Variants in SMCHD1 observed in about 807,000 individuals in gnomAD.
The protein encoded by SMCHD1 is structural maintenance of chromosomes flexible hinge domain-containing protein 1.
In SMCHD1, 78 loss-of-function variants were observed where a neutral mutation model predicts 254.7. That is an observed-to-expected ratio of 0.31 (90% confidence interval 0.26 to 0.37). The LOEUF is 0.37. Among genes scored for constraint, SMCHD1 ranks in the 10% least tolerant of loss-of-function variants. The pLI is 1.00. For synonymous variants in SMCHD1, 766 were observed against 794.9 expected, an observed-to-expected ratio of 0.96 and a Z score of 0.61; for missense variants, 1,840 against 2,408.1, an observed-to-expected ratio of 0.76 and a Z score of 4.94.
intron 42 of SMCHD1, among the ~76,000 whole-genome samples, chr18:2,776,568 C>T (rs1336149871): frequency 6.6e-6 from 1 of 151,838 alleles, no homozygotes; most frequent in Non-Finnish European, 1.5e-5. Context: ...TACCTAAAGA[C>T]AGGAAGGAAA....
At chr18:2,731,777 C>T (rs2075144686) in intron 24 of SMCHD1, among the ~76,000 whole-genome samples, 1 of 152,128 alleles carries the variant, frequency 6.6e-6, no homozygotes, top group Non-Finnish European at 1.5e-5. Flanking sequence ...TTTGGAAGAC[C>T]GAGGCCAGTG....
At chr18:2,676,411 G>A (rs2073749509) in intron 5 of SMCHD1, among the ~76,000 whole-genome samples, 1 of 151,942 alleles carries the variant, frequency 6.6e-6, no homozygotes, top group African/African-American at 2.4e-5. Flanking sequence ...TTGAGTTGAG[G>A]CTTGAATGAT....
chr18:2,708,904 AT>A (rs372680214), intron 17 of SMCHD1, among the ~76,000 whole-genome samples: 4,522 of 58,662 alleles, frequency 0.077, 860 homozygotes, highest in Middle Eastern at 0.11. Flanking sequence ...ATATATATAT[AT>A]ATAACATATT....
At chr18:2,724,719 T>C (rs2143422630) in intron 20 of SMCHD1, among the ~76,000 whole-genome samples, 180 bp from the exon 21 acceptor site, 1 of 152,288 alleles carries the variant, frequency 6.6e-6, no homozygotes, top group Middle Eastern at 3.4e-3. Context: ...TTAATACTTG[T>C]TGGATCAATT....
intron 28 of SMCHD1, among the ~76,000 whole-genome samples, chr18:2,742,755 T>C (rs1041118253): frequency 2.6e-5 from 4 of 152,162 alleles, no homozygotes; most frequent in African/African-American, 9.7e-5. Context: ...TGGCTCACTG[T>C]AGCTTCAACC....
At chr18:2,675,873 A>G (rs2073736475) in intron 5 of SMCHD1, among the ~76,000 whole-genome samples, 1 of 152,162 alleles carries the variant, frequency 6.6e-6, no homozygotes, top group African/African-American at 2.4e-5. Flanking sequence ...ACTTAACCAA[A>G]TATTAGGGAA....
At chr18:2,723,936 C>A (rs2074976887) in intron 20 of SMCHD1, among the ~76,000 whole-genome samples, 1 of 151,988 alleles carries the variant, frequency 6.6e-6, no homozygotes, top group Admixed American at 6.6e-5. Flanking sequence ...TTGGAGACTG[C>A]TATCATTTGC....
intron 34 of SMCHD1, among the ~76,000 whole-genome samples, chr18:2,757,377 A>AT (rs201457405): frequency 0.089 from 13,167 of 148,510 alleles, 724 homozygotes; most frequent in Middle Eastern, 0.2. Context: ...CACCCAGCTA[A>AT]TTTTTTTTTT....
At chr18:2,720,011 A>G (rs2074891088) in intron 19 of SMCHD1, among the ~76,000 whole-genome samples, 1 of 151,776 alleles carries the variant, frequency 6.6e-6, no homozygotes, top group South Asian at 2.1e-4. Flanking sequence ...TTGTAGAGAC[A>G]GGGTCTTGCT....
At chr18:2,706,803 C>T (rs779487876) in intron 15 of SMCHD1, among the ~76,000 whole-genome samples, 29 of 152,086 alleles carry the variant, frequency 1.9e-4, no homozygotes, top group Non-Finnish European at 2.9e-4. Context: ...TGTATTAGTT[C>T]GTTTTCACAC....
intron 5 of SMCHD1, among the ~76,000 whole-genome samples, chr18:2,675,725 A>G (rs1276683369): frequency 6.6e-6 from 1 of 152,332 alleles, no homozygotes; most frequent in East Asian, 1.9e-4. Context: ...GGTAGAACAG[A>G]TGGTAGATTA....
chr18:2,658,047 A>G (rs2073126544), intron 1 of SMCHD1, among the ~76,000 whole-genome samples: 1 of 151,970 alleles, frequency 6.6e-6, no homozygotes, highest in Non-Finnish European at 1.5e-5. Context: ...CCCGCCTCCC[A>G]AAGTGCTGGG....
At chr18:2,749,024 G>C (rs1467812125) in intron 30 of SMCHD1, among the ~76,000 whole-genome samples, 3 of 152,196 alleles carry the variant, frequency 2.0e-5, no homozygotes, top group African/African-American at 7.2e-5. Flanking sequence ...AGTAATTACA[G>C]TTGGAGTTTT....
intron 29 of SMCHD1, among the ~76,000 whole-genome samples, chr18:2,746,682 G>T (rs1359227303): frequency 6.6e-6 from 1 of 152,192 alleles, no homozygotes; most frequent in South Asian, 2.1e-4. Context: ...TCAGTTAAGA[G>T]TAGGGGGTAG....
chr18:2,770,310 G>A (rs996951979), intron 39 of SMCHD1, among the ~76,000 whole-genome samples: 2 of 152,112 alleles, frequency 1.3e-5, no homozygotes, highest in African/African-American at 4.8e-5. Context: ...TTTGTATCCT[G>A]CTTAAAAGAA....
chr18:2,739,545 C>G (rs750767464), intron 27 of SMCHD1, 25 bp downstream of exon 27: 1 of 1,564,002 alleles, frequency 6.4e-7, no homozygotes, highest in Non-Finnish European at 8.7e-7. Context: ...CTTTAAAAAA[C>G]AAACAACAAA....
chr18:2,785,778 C>T (rs1425047959), intron 45 of SMCHD1, among the ~76,000 whole-genome samples: 1 of 151,452 alleles, frequency 6.6e-6, no homozygotes, highest in Non-Finnish European at 1.5e-5. Flanking sequence ...TGTCCATTCC[C>T]TGACACCCAT....
At chr18:2,795,894 C>A in intron 45 of SMCHD1, 55 bp from the exon 46 acceptor site, 1 of 1,460,942 alleles carries the variant, frequency 6.8e-7, no homozygotes, top group Non-Finnish European at 9.2e-7. Context: ...TCCCCTAAAA[C>A]ATGAGTTTGG....
intron 37 of SMCHD1, among the ~76,000 whole-genome samples, chr18:2,768,669 T>TACACTATATACTATACTA (rs2075917525): frequency 1.0e-3 from 113 of 113,294 alleles, no homozygotes; most frequent in Middle Eastern, 4.4e-3. Context: ...TAGTATATAG[T>TACACTATATACTATACTA]GTACTATATA....
Sources: allele counts gnomAD v4.1 joint callset (sites outside exome capture counted in the v4.1 genomes callset), GRCh38; gene constraint gnomAD v4.1.1; transcripts MANE v1.5; gene names NCBI Gene and HGNC (gene_info 2026-07-23, HGNC 2026-07-21).